Variants in INTS3 observed in about 807,000 individuals in gnomAD.
The protein encoded by INTS3 is SOSS complex subunit A.
INTS3 carries 34 observed loss-of-function variants against 146.3 expected under a neutral mutation model. That is an observed-to-expected ratio of 0.23 (90% confidence interval 0.18 to 0.31). The LOEUF is 0.31. Ranked by LOEUF, INTS3 falls within the 10% of genes least tolerant of loss-of-function variation. INTS3 has a pLI of 1.00. For synonymous variants in INTS3, 475 were observed against 494.9 expected, an observed-to-expected ratio of 0.96 and a Z score of 0.53; for missense variants, 757 against 1,304.2, an observed-to-expected ratio of 0.58 and a Z score of 6.46.
intron 9 of INTS3, among the ~76,000 whole-genome samples, chr1:153,755,288 A>C (rs1025733217): frequency 6.6e-6 from 1 of 150,454 alleles, no homozygotes; most frequent in Non-Finnish European, 1.5e-5. Context: ...TTTGAGATGG[A>C]GTTTCGTTCT....
chr1:153,741,862 G>A (rs528522705), intron 3 of INTS3, among the ~76,000 whole-genome samples: 1 of 152,222 alleles, frequency 6.6e-6, no homozygotes, highest in Non-Finnish European at 1.5e-5. Flanking sequence ...GGAGTATACT[G>A]GAGTCAGACT....
chr1:153,735,158 A>G (rs1671241471), intron 1 of INTS3, among the ~76,000 whole-genome samples: 1 of 152,082 alleles, frequency 6.6e-6, no homozygotes, highest in Non-Finnish European at 1.5e-5. Context: ...TTGTAGAGAC[A>G]GCGGCTTCAC....
At chr1:153,745,397 T>G (rs1375306006) in intron 3 of INTS3, among the ~76,000 whole-genome samples, 1 of 151,956 alleles carries the variant, frequency 6.6e-6, no homozygotes, top group Non-Finnish European at 1.5e-5. Context: ...CCTCAGATGA[T>G]CCACACGCCT....
chr1:153,764,015 C>A, intron 17 of INTS3, 103 bp from the exon 18 acceptor site: 1 of 1,294,738 alleles, frequency 7.7e-7, no homozygotes, highest in Non-Finnish European at 1.1e-6. Flanking sequence ...GGGGAGCTTG[C>A]TGATCCTGGA....
intron 25 of INTS3, 112 bp from the exon 26 acceptor site, chr1:153,771,684 G>T: frequency 1.0e-6 from 1 of 985,562 alleles, no homozygotes; most frequent in Non-Finnish European, 1.5e-6. Flanking sequence ...GGAGAGGGAT[G>T]TGAGAGTAGT....
At chr1:153,740,890 G>A (rs552378355) in intron 2 of INTS3, among the ~76,000 whole-genome samples, 156 bp downstream of exon 2, 3 of 152,282 alleles carry the variant, frequency 2.0e-5, no homozygotes, top group African/African-American at 7.2e-5. Flanking sequence ...CTCTTTTACT[G>A]TGGGAGCCTA....
In INTS3 at chr1:153,752,482, G is replaced by A. The variant is rs567788327; in HGVS notation, c.859+74G>A. 104 of 1,471,996 alleles carry A rather than the reference G, an allele frequency of 7.1e-5. 2 individuals carry two copies. In the East Asian group the frequency reaches 2.3e-3, roughly 33 times the overall value. The allele number at this position is 1,471,996 out of a possible 1,614,324, so 91.2% of individuals were successfully genotyped here. A position where few individuals can be genotyped will look rare whatever the true frequency, so the allele number is the denominator to read the frequency against. ...TGTATGTCTTGCTTGAATCAAGAAGGTAGAGGTTGGTGGGTAGGAGAGTCT... is the reference window on the plus strand; with the variant it reads ...TGTATGTCTTGCTTGAATCAAGAAGATAGAGGTTGGTGGGTAGGAGAGTCT... On this transcript the variant is annotated intron_variant, in intron 8 of 29. Coordinates refer to ENST00000318967, the MANE Select transcript of INTS3 (RefSeq NM_023015.5).
At chr1:153,762,624 CT>C in intron 14 of INTS3, 103 bp from the exon 15 acceptor site, 1 of 1,387,430 alleles carries the variant, frequency 7.2e-7, no homozygotes, top group Non-Finnish European at 9.9e-7. Flanking sequence ...AGATGATAAA[CT>C]CCTTATTCTC....
rs756273000 is a variant in INTS3 at position 153,772,308 on chromosome 1, C to G, written c.2721-32C>G. The G allele has an allele frequency of 6.2e-7, 1 of 1,606,982 alleles. No individual in the cohort carries two copies. The highest frequency in any genetic ancestry group is 1.7e-5 in the Admixed American group (1 of 59,756). Reference sequence around the variant, plus strand: ...TCTCGCACTCTGGAACCCTCCCACACTCAGACTCTGGCTCTGGTGATTCCT... The same window carrying G: ...TCTCGCACTCTGGAACCCTCCCACAGTCAGACTCTGGCTCTGGTGATTCCT... On this transcript the variant is annotated intron_variant, in intron 26 of 29. Coordinates refer to ENST00000318967, the MANE Select transcript of INTS3 (RefSeq NM_023015.5). This position sits in a 1 kb window ranked among gnomAD's most constrained non-coding sequence, Gnocchi z 4.6.
intron 17 of INTS3, 72 bp from the exon 18 acceptor site, chr1:153,764,046 A>G: frequency 7.2e-7 from 1 of 1,383,932 alleles, no homozygotes; most frequent in Non-Finnish European, 1.0e-6. Flanking sequence ...GATGAGTTCC[A>G]AGACTGGGAT....
chr1:153,742,857 C>T (rs1341007185), intron 3 of INTS3, among the ~76,000 whole-genome samples: 1 of 152,236 alleles, frequency 6.6e-6, no homozygotes, highest in Non-Finnish European at 1.5e-5. Context: ...GGAAGTGAAG[C>T]ATTTGCCTCG....
intron 7 of INTS3, 47 bp downstream of exon 7, chr1:153,751,286 A>G: frequency 6.3e-7 from 1 of 1,599,400 alleles, no homozygotes; most frequent in South Asian, 1.1e-5. Context: ...GACTCAGGCT[A>G]AGATACCTCT....
chr1:153,736,939 A>AT (rs903610691), intron 1 of INTS3, among the ~76,000 whole-genome samples: 7 of 148,844 alleles, frequency 4.7e-5, no homozygotes, highest in Non-Finnish European at 7.4e-5. Context: ...AATTTTTTGT[A>AT]TTTTTTTTAA....
chr1:153,766,656 GTTAT>G (rs930685594), intron 20 of INTS3: 3 of 148,152 alleles, frequency 2.0e-5, no homozygotes, highest in Non-Finnish European at 3.0e-5. Flanking sequence ...TTTTAATTGA[GTTAT>G]TTGTCTTTTT....
chr1:153,728,732 G>T lies in INTS3; in HGVS notation c.98G>T (p.Gly33Val), dbSNP rs375436644. The T allele has an allele frequency of 1.2e-5, 19 of 1,610,330 alleles. No homozygotes were observed. The highest frequency in any genetic ancestry group is 9.4e-5 in the African/African-American group (7 of 74,584). Residue 33 changes from glycine (G) to valine (V), a missense_variant, in exon 1 of 30, where the codon GGG becomes GTG. Coordinates refer to ENST00000318967, the MANE Select transcript of INTS3 (RefSeq NM_023015.5). Reference sequence around the variant, plus strand: ...GGAGCGGGAGCAGGAGCCCCAGGAGGGGGGAGGCTGCTACTTTCAACCAGT... The same window carrying T: ...GGAGCGGGAGCAGGAGCCCCAGGAGTGGGGAGGCTGCTACTTTCAACCAGT... ...GGGAGAGAPGGGRLLLSTSLD... is the reference protein window; with the variant it reads ...GGGAGAGAPGVGRLLLSTSLD...
At chr1:153,743,391 G>A (rs1671609434) in intron 3 of INTS3, among the ~76,000 whole-genome samples, 1 of 152,184 alleles carries the variant, frequency 6.6e-6, no homozygotes, top group Non-Finnish European at 1.5e-5. Flanking sequence ...ACTGAGTCTT[G>A]AACAAATAGA....
At chr1:153,740,847 T>C in intron 2 of INTS3, 113 bp downstream of exon 2, 1 of 834,432 alleles carries the variant, frequency 1.2e-6, no homozygotes, top group Admixed American at 1.9e-5. Context: ...ATTCATCAAG[T>C]CTTGGCTCCC....
intron 9 of INTS3, among the ~76,000 whole-genome samples, chr1:153,755,164 A>G (rs1220755893): frequency 2.0e-5 from 3 of 152,214 alleles, no homozygotes; most frequent in African/African-American, 7.2e-5. Context: ...ACTTGACTGA[A>G]TAATGGCAGA....
rs1458942659 is a variant in INTS3 at position 153,772,745 on chromosome 1, A to G, written c.2894+34A>G. On this transcript the variant is annotated intron_variant, in intron 28 of 29. Coordinates refer to ENST00000318967, the MANE Select transcript of INTS3 (RefSeq NM_023015.5). This position sits in a 1 kb window ranked among gnomAD's most constrained non-coding sequence, Gnocchi z 4.6. Reference sequence around the variant, plus strand: ...CCTGCCACTTTGGGCCTTGGAAAGTAGTAGGGGAAAAGCCTAAGGGAGAGG... The same window carrying G: ...CCTGCCACTTTGGGCCTTGGAAAGTGGTAGGGGAAAAGCCTAAGGGAGAGG... 1 of 1,609,144 alleles carries G rather than the reference A, an allele frequency of 6.2e-7. No homozygotes were observed. Among genetic ancestry groups the G allele is most frequent in the Admixed American group, 1.7e-5 (1 of 59,608 alleles).
Sources: gnomAD v4.1 joint callset for allele counts (sites outside exome capture counted in the v4.1 genomes callset) on GRCh38, gnomAD v4.1.1 for gene constraint, Gnocchi (gnomAD v3.1) non-coding constraint, MANE v1.5 for transcripts, NCBI Gene and HGNC (gene_info 2026-07-23, HGNC 2026-07-21) for gene names.